The following AGK variants were observed in gnomAD, a reference collection of about 807,000 sequenced individuals.
AGK encodes acylglycerol kinase, mitochondrial.
AGK carries 52 observed loss-of-function variants against 66.4 expected under a neutral mutation model. The ratio of observed to expected loss-of-function variants is 0.78; its 90% CI spans 0.63 to 0.99. AGK has a LOEUF of 0.99. Among genes scored for constraint, AGK ranks in the 50% least tolerant of loss-of-function variants. The pLI, the probability that AGK is intolerant of heterozygous loss-of-function variation, is 0.00. For synonymous variants in AGK, 182 were observed against 181.1 expected, an observed-to-expected ratio of 1.00 and a Z score of -0.04; for missense variants, 451 against 506.6, an observed-to-expected ratio of 0.89 and a Z score of 1.05.
rs148604072 is a variant in AGK, at chr7:141,651,529, C to G, written c.1051C>G (p.Arg351Gly). Residue 351 changes from arginine to glycine, a missense_variant, in exon 15 of 16, where the codon CGA (arginine) becomes GGA (glycine). Coordinates refer to ENST00000649286, the MANE Select transcript of AGK (RefSeq NM_018238.4). ...SKGDFITIGSRKVRNPKLHVE... is the reference protein window; with the variant it reads ...SKGDFITIGSGKVRNPKLHVE... The stretch of plus-strand genomic sequence containing the variant: ...TGCTTTTTCCTGTGCTCACAGAAGT[C>G]GAAAGGTGAGAAACCCCAAGCTGCA... 10 of 1,614,052 alleles carry G rather than the reference C, an allele frequency of 6.2e-6. No homozygotes were observed. Among genetic ancestry groups the G allele is most frequent in the South Asian group, 3.3e-5 (3 of 91,070 alleles).
intron 9 of AGK, among the ~76,000 whole-genome samples, chr7:141,630,123 A>C (rs1447125191): frequency 6.6e-6 from 1 of 152,228 alleles, no homozygotes; most frequent in Non-Finnish European, 1.5e-5. Context: ...CAGCATCATC[A>C]TCCTCAGACA....
Position 141,648,804 on chromosome 7 carries a change from G to T in AGK, c.976-459G>T, listed in dbSNP as rs141637806. On this transcript the variant is annotated intron_variant, in intron 13 of 15. Coordinates refer to ENST00000649286, the MANE Select transcript of AGK (RefSeq NM_018238.4). Reference sequence around the variant, plus strand: ...CCAACTCTGGTTGCACACCAAATTTGTATGTAGAGCATTAAAGAAGCACAG... The same window carrying T: ...CCAACTCTGGTTGCACACCAAATTTTTATGTAGAGCATTAAAGAAGCACAG... 2.2e-3 allele frequency among the ~76,000 whole-genome samples: 339 copies of T among 152,296 alleles called. 1 individual carries two copies. The highest frequency in any genetic ancestry group is 6.8e-3 in the Middle Eastern group (2 of 294).
chr7:141,573,027 C>T (rs1325594115), intron 2 of AGK, among the ~76,000 whole-genome samples: 1 of 152,208 alleles, frequency 6.6e-6, no homozygotes, highest in African/African-American at 2.4e-5. Flanking sequence ...GCTTCATCCA[C>T]AGCTGAAGGT....
intron 9 of AGK, among the ~76,000 whole-genome samples, chr7:141,624,243 A>C (rs1290503805): frequency 6.6e-6 from 1 of 152,176 alleles, no homozygotes; most frequent in African/African-American, 2.4e-5. Context: ...TTATTTAATA[A>C]ATAAATTGTG....
At position 141,587,267 on chromosome 7, in the gene AGK, T is replaced by C. The variant is rs532220587; in HGVS notation, c.102-5879T>C. On this transcript the variant is annotated intron_variant, in intron 2 of 15. Coordinates refer to ENST00000649286, the MANE Select transcript of AGK (RefSeq NM_018238.4). ...CTTCTCTGTGTCCCCTCTGCCACCA[T>C]CCTAGTTCCAGTCATCATCACCGAC... 3.5e-4 allele frequency among the ~76,000 whole-genome samples: 54 copies of C among 152,318 alleles called. 1 individual carries two copies. Among genetic ancestry groups the C allele is most frequent in the Non-Finnish European group, 2.4e-4 (16 of 68,026 alleles).
rs896139227 is a variant in AGK, at chr7:141,588,573, G to A, written c.102-4573G>A. On this transcript the variant is annotated intron_variant, in intron 2 of 15. Coordinates refer to ENST00000649286, the MANE Select transcript of AGK (RefSeq NM_018238.4). The stretch of plus-strand genomic sequence containing the variant: ...GGAAGTTTCAGTGAGCCGAGACAGC[G>A]CCACTGCACTCCAGCCTGGGGGACA... Among the ~76,000 whole-genome samples, 70 of 151,332 alleles carry A rather than the reference G, an allele frequency of 4.6e-4. 1 individual carries two copies. The highest frequency in any genetic ancestry group is 1.5e-3 in the African/African-American group (63 of 41,078).
At chr7:141,559,548 G>T (rs1163212733) in intron 2 of AGK, among the ~76,000 whole-genome samples, 1 of 152,090 alleles carries the variant, frequency 6.6e-6, no homozygotes, top group Non-Finnish European at 1.5e-5. Context: ...GTACATATAA[G>T]ACTTCCATCC....
At chr7:141,585,653 A>T (rs544636359) in intron 2 of AGK, among the ~76,000 whole-genome samples, 1 of 152,316 alleles carries the variant, frequency 6.6e-6, no homozygotes, top group African/African-American at 2.4e-5. Flanking sequence ...CTCCATGTAA[A>T]GTTGCTATTG....
At chr7:141,652,613 A>AC (rs2117035827) in intron 15 of AGK, 174 bp from the exon 16 acceptor site, 1 of 565,144 alleles carries the variant, frequency 1.8e-6, no homozygotes, top group East Asian at 2.8e-5. Flanking sequence ...CAGAACCAGC[A>AC]CTGTGCCCAT....
intron 5 of AGK, among the ~76,000 whole-genome samples, chr7:141,608,819 C>G (rs1796516586): frequency 6.6e-6 from 1 of 152,102 alleles, no homozygotes; most frequent in Non-Finnish European, 1.5e-5. Flanking sequence ...TGCTAAAGAC[C>G]TGATGTAATG....
At chr7:141,619,463 A>G (rs1320260798) in intron 8 of AGK, among the ~76,000 whole-genome samples, 1 of 152,126 alleles carries the variant, frequency 6.6e-6, no homozygotes, top group Non-Finnish European at 1.5e-5. Context: ...TTTTTCAACA[A>G]ACAGTATTGG....
intron 2 of AGK, among the ~76,000 whole-genome samples, chr7:141,573,666 G>T (rs1423793074): frequency 2.6e-5 from 4 of 152,146 alleles, no homozygotes; most frequent in African/African-American, 9.7e-5. Context: ...GTCCAGATCT[G>T]TCACGTATTC....
chr7:141,620,726 G>A (rs1019417469), intron 8 of AGK, among the ~76,000 whole-genome samples: 4 of 152,170 alleles, frequency 2.6e-5, no homozygotes, highest in Non-Finnish European at 5.9e-5. Flanking sequence ...TGTAAGATAT[G>A]CCTCCAGGAG....
chr7:141,645,983 AGT>A (rs1291604222), intron 13 of AGK, among the ~76,000 whole-genome samples: 1 of 152,180 alleles, frequency 6.6e-6, no homozygotes, highest in Non-Finnish European at 1.5e-5. Flanking sequence ...AGCATAGGAC[AGT>A]GAGTCCAGAG....
chr7:141,603,575 C>T (rs6958315), intron 5 of AGK, among the ~76,000 whole-genome samples: 92 of 152,196 alleles, frequency 6.0e-4, no homozygotes, highest in African/African-American at 2.1e-3. Context: ...TTGTAAAGCC[C>T]ATTTTCTCAT....
Position 141,557,280 on chromosome 7 carries a change from C to T in AGK, c.101+1713C>T, listed in dbSNP as rs139147412. Among the ~76,000 whole-genome samples the T allele has an allele frequency of 2.2e-3, 330 of 152,190 alleles. 3 individuals carry two copies. Among genetic ancestry groups the T allele is most frequent in the African/African-American group, 7.2e-3 (301 of 41,552 alleles). On this transcript the variant is annotated intron_variant, in intron 2 of 15. Transcript: ENST00000649286. Reference sequence around the variant, plus strand: ...TTTTCTTTCTAAGTGTTGTCAAGGCCAGGCATTCAAATTCCATTAGCCAGC... The same window carrying T: ...TTTTCTTTCTAAGTGTTGTCAAGGCTAGGCATTCAAATTCCATTAGCCAGC...
chr7:141,593,617 A>G lies in AGK; in HGVS notation c.141+432A>G, dbSNP rs528271331. ...TTCATATTTTTAAAGCTCATCTCCA[A>G]GTTCAACTGATCCATATCATGTACA... On this transcript the variant is annotated intron_variant, in intron 3 of 15. Coordinates refer to ENST00000649286, the MANE Select transcript of AGK (RefSeq NM_018238.4). 5.6e-6 allele frequency: 3 copies of G among 535,146 alleles called. No homozygotes were observed. The African/African-American group carries it at 5.6e-5, about 10-fold the overall frequency. The allele number at this position is 535,146 out of a possible 1,614,324, so 33.1% of individuals were successfully genotyped here.
At chr7:141,589,327 G>A (rs546151564) in intron 2 of AGK, among the ~76,000 whole-genome samples, 1 of 152,350 alleles carries the variant, frequency 6.6e-6, no homozygotes, top group Admixed American at 6.5e-5. Flanking sequence ...GTACAAGGTA[G>A]TTGCTCTATG....
At chr7:141,641,706 C>A in intron 12 of AGK, 105 bp from the exon 13 acceptor site, 1 of 922,646 alleles carries the variant, frequency 1.1e-6, no homozygotes, top group Non-Finnish European at 1.7e-6. Flanking sequence ...GCAGAGTCAG[C>A]AGAAAGGTTG....
Sources: allele counts gnomAD v4.1 joint callset (sites outside exome capture counted in the v4.1 genomes callset), GRCh38; gene constraint gnomAD v4.1.1; transcripts MANE v1.5; gene names NCBI Gene and HGNC (gene_info 2026-07-23, HGNC 2026-07-21).